IMMP1L: variants seen among roughly 807,000 people sequenced by gnomAD.
IMMP1L encodes inner mitochondrial membrane peptidase subunit 1.
A neutral mutation model predicts 21.8 loss-of-function variants in IMMP1L; 24 were observed. The ratio of observed to expected loss-of-function variants is 1.10; its 90% confidence interval spans 0.80 to 1.55. The LOEUF (loss-of-function observed/expected upper bound fraction) is 1.55, where lower values mean the gene tolerates loss of function less well. IMMP1L is among the 40% of genes most tolerant of loss of function. IMMP1L has a pLI of 0.00. For missense variants in IMMP1L, 195 were observed against 200.7 expected (o/e 0.97, Z 0.17); for synonymous variants, 46 against 62.8 (o/e 0.73, Z 1.26).
intron 1 of IMMP1L, among the ~76,000 whole-genome samples, chr11:31,472,615 C>G (rs1471542804): frequency 6.6e-6 from 1 of 152,022 alleles, no homozygotes; most frequent in African/African-American, 2.4e-5. Flanking sequence ...ATTAAAAAAA[C>G]TGAGTCATTA....
intron 4 of IMMP1L, among the ~76,000 whole-genome samples, chr11:31,450,388 C>T (rs889028606): frequency 1.4e-5 from 2 of 144,094 alleles, no homozygotes; most frequent in Non-Finnish European, 3.0e-5. Context: ...TCAATTCCCC[C>T]AATACTTTAG....
At chr11:31,487,445 T>C (rs548054970) in intron 1 of IMMP1L, among the ~76,000 whole-genome samples, 1 of 152,068 alleles carries the variant, frequency 6.6e-6, no homozygotes, top group South Asian at 2.1e-4. Flanking sequence ...AGCCCTAAGG[T>C]AGGAAGAAAC....
chr11:31,491,053 T>TC (rs1955239154), intron 1 of IMMP1L, among the ~76,000 whole-genome samples: 2 of 152,214 alleles, frequency 1.3e-5, no homozygotes, highest in Non-Finnish European at 2.9e-5. Context: ...TGACTTCGTA[T>TC]TTTTGACCTC....
intron 1 of IMMP1L, among the ~76,000 whole-genome samples, chr11:31,496,201 G>A (rs1321348920): frequency 2.7e-5 from 4 of 149,830 alleles, no homozygotes; most frequent in African/African-American, 9.7e-5. Flanking sequence ...GTATACAAAT[G>A]GCCAATAAGC....
chr11:31,502,098 C>T (rs1268894326), intron 1 of IMMP1L, among the ~76,000 whole-genome samples: 1 of 151,804 alleles, frequency 6.6e-6, no homozygotes, highest in Non-Finnish European at 1.5e-5. Context: ...AGAAAAAATC[C>T]GAACTGAGAG....
intron 5 of IMMP1L, 105 bp downstream of exon 5, chr11:31,433,355 G>C (rs1952988816): frequency 3.2e-6 from 2 of 621,176 alleles, no homozygotes; most frequent in African/African-American, 1.9e-5. Context: ...TATATTCGGT[G>C]CAACAGTTAA....
intron 1 of IMMP1L, among the ~76,000 whole-genome samples, chr11:31,492,693 T>C (rs1373308500): frequency 1.3e-5 from 2 of 152,200 alleles, no homozygotes; most frequent in East Asian, 3.8e-4. Flanking sequence ...AATTTCAATA[T>C]TGTTATGTCT....
chr11:31,464,755 ACT>A (rs984359388), intron 1 of IMMP1L, among the ~76,000 whole-genome samples: 2 of 152,130 alleles, frequency 1.3e-5, no homozygotes, highest in Admixed American at 6.6e-5. Context: ...CACGATACAA[ACT>A]CTCAAGAAAT....
intron 1 of IMMP1L, among the ~76,000 whole-genome samples, chr11:31,482,926 G>A (rs991377923): frequency 6.6e-5 from 10 of 151,778 alleles, no homozygotes; most frequent in African/African-American, 2.4e-4. Flanking sequence ...TAGAAACTAC[G>A]CAAATGTCCA....
In IMMP1L at chr11:31,435,849, G is replaced by A. The variant is rs1206146389; in HGVS notation, c.322-2279C>T. 2.0e-5 allele frequency among the ~76,000 whole-genome samples: 3 copies of A among 152,248 alleles called. No individual in the cohort carries two copies. The South Asian group carries it at 6.2e-4, about 32-fold the overall frequency. On this transcript the variant is annotated intron_variant, in intron 4 of 5. Transcript: ENST00000532287. The stretch of plus-strand genomic sequence containing the variant: ...TGAATTTTGAGTCTTTCTTAGAAAG[G>A]TCTCATGGTTTCTTCTTTTACATTT...
chr11:31,496,070 G>T (rs1955421248), intron 1 of IMMP1L, among the ~76,000 whole-genome samples: 3 of 150,658 alleles, frequency 2.0e-5, no homozygotes, highest in Admixed American at 1.3e-4. Context: ...CTAATTAAGG[G>T]TCACGGTCCA....
chr11:31,446,280 A>C (rs762434041), intron 4 of IMMP1L, among the ~76,000 whole-genome samples: 21 of 152,080 alleles, frequency 1.4e-4, no homozygotes, highest in Non-Finnish European at 2.5e-4. Flanking sequence ...TTATTATCTC[A>C]GTTATGCCTC....
chr11:31,490,113 G>C (rs917168065), intron 1 of IMMP1L, among the ~76,000 whole-genome samples: 2 of 152,094 alleles, frequency 1.3e-5, no homozygotes, highest in Admixed American at 1.3e-4. Flanking sequence ...TAAATATTGA[G>C]TAACCAACTT....
At chr11:31,440,683 G>A (rs1591945544) in intron 4 of IMMP1L, among the ~76,000 whole-genome samples, 1 of 152,110 alleles carries the variant, frequency 6.6e-6, no homozygotes, top group African/African-American at 2.4e-5. Context: ...GAGCCACTGC[G>A]CCCAGCCTTA....
intron 1 of IMMP1L, among the ~76,000 whole-genome samples, chr11:31,476,554 C>A (rs1954735330): frequency 6.6e-6 from 1 of 151,676 alleles, no homozygotes; most frequent in African/African-American, 2.4e-5. Context: ...CTTTAGTCAC[C>A]TATATTTAGT....
chr11:31,467,133 T>C (rs1361781118), intron 1 of IMMP1L, among the ~76,000 whole-genome samples: 2 of 152,122 alleles, frequency 1.3e-5, no homozygotes, highest in African/African-American at 4.8e-5. Flanking sequence ...ATATTTCAGA[T>C]AGTAAAAGTG....
At chr11:31,498,246 T>C (rs1249121205) in intron 1 of IMMP1L, among the ~76,000 whole-genome samples, 3 of 152,174 alleles carry the variant, frequency 2.0e-5, no homozygotes, top group Non-Finnish European at 2.9e-5. Flanking sequence ...ACCTTTCACT[T>C]TGGGAAATAA....
chr11:31,451,651 C>T (rs1358546911), intron 4 of IMMP1L, among the ~76,000 whole-genome samples: 1 of 151,956 alleles, frequency 6.6e-6, no homozygotes, highest in East Asian at 1.9e-4. Flanking sequence ...TTTGAGATGA[C>T]CATTATTCAT....
intron 1 of IMMP1L, among the ~76,000 whole-genome samples, chr11:31,497,297 G>C (rs970986469): frequency 6.6e-6 from 1 of 151,828 alleles, no homozygotes; most frequent in Admixed American, 6.6e-5. Context: ...ATTATGCTAA[G>C]TGAAAAATAT....
Sources: gnomAD v4.1 joint callset for allele counts (sites outside exome capture counted in the v4.1 genomes callset) on GRCh38, gnomAD v4.1.1 for gene constraint, MANE v1.5 for transcripts, NCBI Gene and HGNC (gene_info 2026-07-23, HGNC 2026-07-21) for gene names.